Variants in ANKRD34A observed in about 807,000 individuals in gnomAD.
ANKRD34A encodes the protein ankyrin repeat domain 34A, also known as ankyrin repeat domain-containing protein 34A.
ANKRD34A carries 7 observed loss-of-function variants against 27.1 expected under a neutral mutation model. That is an observed-to-expected ratio of 0.26 (90% CI 0.15 to 0.49). The LOEUF (loss-of-function observed/expected upper bound fraction) is 0.49. Ranked by LOEUF, ANKRD34A falls within the 20% of genes least tolerant of loss-of-function variation. The pLI is 0.99. For synonymous variants in ANKRD34A, 301 were observed against 300.8 expected (o/e 1.00, Z -0.01); for missense variants, 472 against 682.1 (o/e 0.69, Z 3.43).
rs1553761223 is a variant in ANKRD34A at position 145,960,785 on chromosome 1, G to A, written c.975C>T (p.Pro325=). 1.2e-6 allele frequency: 2 copies of A among 1,614,136 alleles called. No individual in the cohort carries two copies. Among genetic ancestry groups the A allele is most frequent in the African/African-American group, 2.7e-5 (2 of 74,948 alleles). ...TCAGTTTCTGCCTCAGCCCTGAAGGGGGACCAGACTCCTGAGCTTCTGGTG... is the reference window on the plus strand; with the variant it reads ...TCAGTTTCTGCCTCAGCCCTGAAGGAGGACCAGACTCCTGAGCTTCTGGTG... ...NTAPEAQESG[P]PSGLRQKLSR... The change falls in exon 4 of 4, where the codon CCC becomes CCT. Residue 325 remains proline (P), a synonymous_variant. Transcript: ENST00000606888. This position sits in a 1 kb window ranked among gnomAD's most constrained non-coding sequence, Gnocchi z 5.5.
rs144409534 is a variant in ANKRD34A, at chr1:145,961,364, G to A, written c.396C>T (p.Asp132=). ...CCTCCGTACCCTTGGCCTTGCAGGC[G>A]TCCAGCAGTGTGGCAAGGGTCTCGC... ...GDRETLATLL[D]ACKAKGTEVI... is the part of the protein sequence containing the mutation. The change falls in exon 4 of 4, where the codon GAC becomes GAT. Residue 132 remains aspartate (D), a synonymous_variant. Transcript: ENST00000606888. This position sits in a 1 kb window ranked among gnomAD's most constrained non-coding sequence, Gnocchi z 9.5. 3.1e-6 allele frequency: 5 copies of A among 1,613,820 alleles called. No homozygotes were observed. Among genetic ancestry groups the A allele is most frequent in the Non-Finnish European group, 4.2e-6 (5 of 1,180,002 alleles).
Position 145,960,441 on chromosome 1 carries a change from C to A in ANKRD34A, c.1319G>T (p.Arg440Leu). 6.3e-7 allele frequency: 1 copy of A among 1,594,926 alleles called. No individual in the cohort carries two copies. The highest frequency in any genetic ancestry group is 8.6e-7 in the Non-Finnish European group (1 of 1,167,896). ...VSPHPPIPDI[R>L]PQPGGRAPSL... ...AGGCGCCCGACCTCCGGGTTGTGGG[C>A]GAATGTCAGGGATGGGAGGGTGGGG... Residue 440 changes from arginine (R) to leucine (L), a missense_variant, in exon 4 of 4, where the codon CGC becomes CTC. By Grantham distance (102) the Arg-to-Leu change is moderately radical (BLOSUM62 -2). This residue lies in a region of ANKRD34A where 6 missense variants were observed against 23.3 expected (regional missense o/e 0.26). Transcript: ENST00000606888. This position sits in a 1 kb window ranked among gnomAD's most constrained non-coding sequence, Gnocchi z 5.5.
Position 145,961,313 on chromosome 1 carries a change from C to T in ANKRD34A, c.447G>A (p.Ser149=). The change falls in exon 4 of 4, where the codon TCG becomes TCA. Residue 149 remains serine (S), a synonymous_variant. Coordinates refer to ENST00000606888, the MANE Select transcript of ANKRD34A (RefSeq NM_001039888.4). This position sits in a 1 kb window ranked among gnomAD's most constrained non-coding sequence, Gnocchi z 9.5. ...TEVIIITTDT[S]PSGTKKTRQY... The stretch of plus-strand genomic sequence containing the variant: ...GCCGGGTCTTCTTGGTGCCTGAGGG[C>T]GAGGTATCGGTGGTGATGATGATGA... 4 of 1,613,954 alleles carry T rather than the reference C, an allele frequency of 2.5e-6. No homozygotes were observed. The highest frequency in any genetic ancestry group is 3.4e-6 in the Non-Finnish European group (4 of 1,180,022).
Position 145,960,332 on chromosome 1 carries a change from A to G in ANKRD34A, c.1428T>C (p.Thr476=). The change falls in exon 4 of 4, where the codon ACT becomes ACC. Residue 476 remains threonine, a synonymous_variant. Coordinates refer to ENST00000606888, the MANE Select transcript of ANKRD34A (RefSeq NM_001039888.4). This position sits in a 1 kb window ranked among gnomAD's most constrained non-coding sequence, Gnocchi z 5.5. ...AGCCCCCCAGCAGGCGGATCTGCTC[A>G]GTCTGCATGGAGTGGCGTCTCACCA... ...RKLVRRHSMQ[T]EQIRLLGGFQ... The G allele has an allele frequency of 6.2e-7, 1 of 1,610,804 alleles. No homozygotes were observed. Among genetic ancestry groups the G allele is most frequent in the Non-Finnish European group, 8.5e-7 (1 of 1,178,158 alleles).
intron 1 of ANKRD34A, among the ~76,000 whole-genome samples, chr1:145,963,916 A>G (rs1323320269): frequency 6.6e-6 from 1 of 152,160 alleles, no homozygotes; most frequent in African/African-American, 2.4e-5. Flanking sequence ...CACTACACCT[A>G]CAGCCTCCCA....
In ANKRD34A at chr1:145,961,219, A is replaced by G. The variant is rs1553761350; in HGVS notation, c.541T>C (p.Cys181Arg). 6.2e-7 allele frequency: 1 copy of G among 1,614,038 alleles called. No homozygotes were observed. Among genetic ancestry groups the G allele is most frequent in the Admixed American group, 1.7e-5 (1 of 60,010 alleles). ...AGTTGGATTTCCGAAGGCGACGTGC[A>G]GAACCCCGGGCTAGGAGAGGCGGGA... The part of the protein sequence containing the change: ...PAPASPSPGF[C>R]TSPSEIQLQT... The change falls in exon 4 of 4, where the codon TGC becomes CGC. Residue 181 changes from cysteine (C) to arginine (R), a missense_variant. Transcript: ENST00000606888. The surrounding 1 kb of genome is among the most constrained non-coding windows in gnomAD (Gnocchi z 9.5).
rs1298123581 is a variant in ANKRD34A, at chr1:145,960,849, T to G, written c.911A>C (p.Lys304Thr). ...GPEDPPPWAE[K>T]VTSGGPLSRR... The stretch of plus-strand genomic sequence containing the variant: ...AGAGAGAGGACCCCCGCTAGTCACT[T>G]TCTCCGCCCATGGGGGCGGGTCCTC... Residue 304 changes from lysine (K) to threonine (T), a missense_variant, in exon 4 of 4, where the codon AAA becomes ACA. Around this residue, in one of 4 missense-constraint regions of ANKRD34A, gnomAD observed 295 missense variants for 335.0 expected, o/e 0.88. Coordinates refer to ENST00000606888, the MANE Select transcript of ANKRD34A (RefSeq NM_001039888.4). This position sits in a 1 kb window ranked among gnomAD's most constrained non-coding sequence, Gnocchi z 5.5. 1 of 1,614,108 alleles carries G rather than the reference T, an allele frequency of 6.2e-7. No homozygotes were observed. Among genetic ancestry groups the G allele is most frequent in the Non-Finnish European group, 8.5e-7 (1 of 1,180,038 alleles).
At chr1:145,963,980 G>C (rs1219124246) in intron 1 of ANKRD34A, among the ~76,000 whole-genome samples, 1 of 152,118 alleles carries the variant, frequency 6.6e-6, no homozygotes, top group Admixed American at 6.6e-5. Flanking sequence ...CTAACTCCTA[G>C]ATTTCATCTC....
Position 145,960,707 on chromosome 1 carries a change from C to T in ANKRD34A, c.1053G>A (p.Ser351=), listed in dbSNP as rs781882525. Residue 351 remains serine (S), a synonymous_variant, in exon 4 of 4, where the codon TCG becomes TCA. Coordinates refer to ENST00000606888, the MANE Select transcript of ANKRD34A (RefSeq NM_001039888.4). This position sits in a 1 kb window ranked among gnomAD's most constrained non-coding sequence, Gnocchi z 5.5. Reference sequence around the variant, plus strand: ...CCAGGGACAGGCGGCTGGACTCAGGCGAGTCAGGGCAAAGGTGTCCAGGGG... The same window carrying T: ...CCAGGGACAGGCGGCTGGACTCAGGTGAGTCAGGGCAAAGGTGTCCAGGGG... ...LDTPGHLCPD[S]PESSRLSLER... 6.2e-7 allele frequency: 1 copy of T among 1,612,264 alleles called. No individual in the cohort carries two copies. Among genetic ancestry groups the T allele is most frequent in the South Asian group, 1.1e-5 (1 of 90,934 alleles).
chr1:145,961,355 C>A lies in ANKRD34A; in HGVS notation c.405G>T (p.Lys135Asn). 6.2e-7 allele frequency: 1 copy of A among 1,613,982 alleles called. No homozygotes were observed. Among genetic ancestry groups the A allele is most frequent in the Non-Finnish European group, 8.5e-7 (1 of 1,180,008 alleles). ...ETLATLLDAC[K>N]AKGTEVIIIT... is the part of the protein sequence containing the mutation. ...TGATGATGACCTCCGTACCCTTGGC[C>A]TTGCAGGCGTCCAGCAGTGTGGCAA... Residue 135 changes from lysine to asparagine, a missense_variant, in exon 4 of 4, where the codon AAG becomes AAT. Around this residue, in one of 4 missense-constraint regions of ANKRD34A, gnomAD observed 118 missense variants for 253.6 expected, o/e 0.47. Coordinates refer to ENST00000606888, the MANE Select transcript of ANKRD34A (RefSeq NM_001039888.4). This position sits in a 1 kb window ranked among gnomAD's most constrained non-coding sequence, Gnocchi z 9.5.
Position 145,961,517 on chromosome 1 carries a change from G to T in ANKRD34A, c.243C>A (p.Leu81=). 1 of 1,577,800 alleles carries T rather than the reference G, an allele frequency of 6.3e-7. No individual in the cohort carries two copies. Among genetic ancestry groups the T allele is most frequent in the Non-Finnish European group, 8.6e-7 (1 of 1,162,238 alleles). The change falls in exon 4 of 4, where the codon CTC becomes CTA. Residue 81 remains leucine, a synonymous_variant. Coordinates refer to ENST00000606888, the MANE Select transcript of ANKRD34A (RefSeq NM_001039888.4). The surrounding 1 kb of genome is among the most constrained non-coding windows in gnomAD (Gnocchi z 9.5). ...CCCCACCCCCGGCGCAAGCGTGCATGAGCGCCGTGCGCCCTAATCGGTCTG... is the reference window on the plus strand; with the variant it reads ...CCCCACCCCCGGCGCAAGCGTGCATTAGCGCCGTGCGCCCTAATCGGTCTG... ...NIADRLGRTA[L]MHACAGGGGA...
Position 145,961,022 on chromosome 1 carries a change from G to A in ANKRD34A, c.738C>T (p.Asn246=). 6.2e-7 allele frequency: 1 copy of A among 1,614,066 alleles called. No individual in the cohort carries two copies. The highest frequency in any genetic ancestry group is 1.3e-5 in the African/African-American group (1 of 75,060). The change falls in exon 4 of 4, where the codon AAC becomes AAT. Residue 246 remains asparagine (N), a synonymous_variant. Transcript: ENST00000606888. The surrounding 1 kb of genome is among the most constrained non-coding windows in gnomAD (Gnocchi z 9.5). ...RHPPKPLKRL[N]SEPWGLVAPP... ...GGGCCACTAGGCCCCAGGGCTCGGA[G>A]TTGAGCCTTTTGAGTGGTTTTGGGG...
In ANKRD34A at chr1:145,961,438, C is replaced by G; in HGVS notation, c.322G>C (p.Asp108His). Residue 108 changes from aspartate to histidine, a missense_variant, in exon 4 of 4, where the codon GAT becomes CAT. This residue lies in a region of ANKRD34A where 118 missense variants were observed against 253.6 expected (regional missense o/e 0.47). Transcript: ENST00000606888. The surrounding 1 kb of genome is among the most constrained non-coding windows in gnomAD (Gnocchi z 9.5). ...ACAAGAGCCGAGGCGCCCGCGTGAT[C>G]TCGGACTGAGGGGTCTGCGCCGTGG... ...LAHGADPSVR[D>H]HAGASALVHA... is the part of the protein sequence containing the mutation. 6.2e-7 allele frequency: 1 copy of G among 1,609,308 alleles called. No homozygotes were observed. The highest frequency in any genetic ancestry group is 8.5e-7 in the Non-Finnish European group (1 of 1,177,676).
chr1:145,960,448 C>G lies in ANKRD34A; in HGVS notation c.1312G>C (p.Asp438His). ...LNVSPHPPIP[D>H]IRPQPGGRAP... ...CGACCTCCGGGTTGTGGGCGAATGT[C>G]AGGGATGGGAGGGTGGGGACTGACG... Residue 438 changes from aspartate (D) to histidine (H), a missense_variant, in exon 4 of 4, where the codon GAC becomes CAC. Physicochemically the swap from Asp to His is moderately conservative, Grantham distance 81. This residue lies in a region of ANKRD34A where 6 missense variants were observed against 23.3 expected (regional missense o/e 0.26). Transcript: ENST00000606888. This position sits in a 1 kb window ranked among gnomAD's most constrained non-coding sequence, Gnocchi z 5.5. The G allele has an allele frequency of 6.4e-7, 1 of 1,574,768 alleles. No individual in the cohort carries two copies. The highest frequency in any genetic ancestry group is 8.7e-7 in the Non-Finnish European group (1 of 1,150,354).
Position 145,961,212 on chromosome 1 carries a change from G to C in ANKRD34A, c.548C>G (p.Ser183Trp). The change falls in exon 4 of 4, where the codon TCG (serine) becomes TGG (tryptophan). Residue 183 changes from serine (S) to tryptophan (W), a missense_variant. Physicochemically the swap from Ser to Trp is radical, Grantham distance 177. Around this residue, in one of 4 missense-constraint regions of ANKRD34A, gnomAD observed 295 missense variants for 335.0 expected, o/e 0.88. Coordinates refer to ENST00000606888, the MANE Select transcript of ANKRD34A (RefSeq NM_001039888.4). The surrounding 1 kb of genome is among the most constrained non-coding windows in gnomAD (Gnocchi z 9.5). Reference protein sequence around the residue: ...PASPSPGFCTSPSEIQLQTAG... With the variant: ...PASPSPGFCTWPSEIQLQTAG... ...GGTCTGCAGTTGGATTTCCGAAGGC[G>C]ACGTGCAGAACCCCGGGCTAGGAGA... The C allele has an allele frequency of 6.2e-7, 1 of 1,614,026 alleles. No homozygotes were observed. The highest frequency in any genetic ancestry group is 8.5e-7 in the Non-Finnish European group (1 of 1,179,914).
In ANKRD34A at chr1:145,961,544, G is replaced by A. The variant is rs1339276396; in HGVS notation, c.216C>T (p.Ile72=). 1 of 1,590,586 alleles carries A rather than the reference G, an allele frequency of 6.3e-7. No homozygotes were observed. Among genetic ancestry groups the A allele is most frequent in the Admixed American group, 1.8e-5 (1 of 56,480 alleles). ...GCGCCGTGCGCCCTAATCGGTCTGC[G>A]ATATTGGGGTCCGCGCCTTGCTCCA... ...YLLEQGADPN[I]ADRLGRTALM... is the part of the protein sequence containing the mutation. The change falls in exon 4 of 4, where the codon ATC becomes ATT. Residue 72 remains isoleucine (I), a synonymous_variant. Transcript: ENST00000606888. This position sits in a 1 kb window ranked among gnomAD's most constrained non-coding sequence, Gnocchi z 9.5.
chr1:145,963,012 G>A (rs1649859850), intron 2 of ANKRD34A, 44 bp from the exon 3 acceptor site: 1 of 152,394 alleles, frequency 6.6e-6, no homozygotes, highest in Admixed American at 6.5e-5. Context: ...TCCACAGCCG[G>A]TGTCCATACT....
In ANKRD34A at chr1:145,964,387, T is replaced by G. The variant is rs1379059190; in HGVS notation, c.-1100A>C. ...CATTTCTCCGTAGGCCCTCTCCTCCTTTGGCCTCTCTGTAGGGGCTCCCTC... is the reference window on the plus strand; with the variant it reads ...CATTTCTCCGTAGGCCCTCTCCTCCGTTGGCCTCTCTGTAGGGGCTCCCTC... On this transcript the variant is annotated 5_prime_UTR_variant, in exon 1 of 4. Transcript: ENST00000606888. The G allele has an allele frequency of 2.0e-5, 3 of 152,250 alleles. No individual in the cohort carries two copies. Among genetic ancestry groups the G allele is most frequent in the African/African-American group, 7.2e-5 (3 of 41,436 alleles). 9.4% of individuals were successfully genotyped at this position (152,250 alleles called of 1,614,324 possible).
rs200631287 is a variant in ANKRD34A, at chr1:145,960,787, G to T, written c.973C>A (p.Pro325Thr). 72 of 1,614,112 alleles carry T rather than the reference G, an allele frequency of 4.5e-5. No homozygotes were observed. Among genetic ancestry groups the T allele is most frequent in the Non-Finnish European group, 5.5e-5 (65 of 1,180,040 alleles). Residue 325 changes from proline to threonine, a missense_variant, in exon 4 of 4, where the codon CCC becomes ACC. By Grantham distance (38) the Pro-to-Thr change is conservative (BLOSUM62 -1). Around this residue, in one of 4 missense-constraint regions of ANKRD34A, gnomAD observed 295 missense variants for 335.0 expected, o/e 0.88. Transcript: ENST00000606888. This position sits in a 1 kb window ranked among gnomAD's most constrained non-coding sequence, Gnocchi z 5.5. ...AGTTTCTGCCTCAGCCCTGAAGGGG[G>T]ACCAGACTCCTGAGCTTCTGGTGCT... ...NTAPEAQESG[P>T]PSGLRQKLSR...
Sources: allele counts gnomAD v4.1 joint callset (sites outside exome capture counted in the v4.1 genomes callset), GRCh38; gene constraint gnomAD v4.1.1; regional missense constraint gnomAD v4.1.1; non-coding constraint Gnocchi (gnomAD v3.1); transcripts MANE v1.5; gene names NCBI Gene and HGNC (gene_info 2026-07-23, HGNC 2026-07-21).